AFF3: variants seen among roughly 807,000 people sequenced by gnomAD.
The protein encoded by AFF3 is ALF transcription elongation factor 3.
Under a neutral mutation model 129.7 loss-of-function variants are expected in AFF3, and 32 were observed. The observed-to-expected ratio is 0.25, with a 90% CI of 0.19 to 0.33. The LOEUF (loss-of-function observed/expected upper bound fraction) is 0.33, where lower values mean the gene tolerates loss of function less well. Among genes scored for constraint, AFF3 ranks in the 10% least tolerant of loss-of-function variants. The probability of loss-of-function intolerance (pLI) is 1.00; values close to 1 mark genes in which losing one functional copy is unlikely to be tolerated. For missense variants in AFF3, 1,373 were observed against 1,592.0 expected (o/e 0.86, Z 2.34); for synonymous variants, 644 against 635.4 (o/e 1.01, Z -0.20).
chr2:99,949,795 A>C (rs1675971560), intron 7 of AFF3, among the ~76,000 whole-genome samples: 1 of 152,224 alleles, frequency 6.6e-6, no homozygotes, highest in Non-Finnish European at 1.5e-5. Flanking sequence ...CGGCCCAGTT[A>C]CTAACAGGCC....
intron 8 of AFF3, among the ~76,000 whole-genome samples, chr2:99,826,293 C>A (rs963746333): frequency 6.6e-6 from 1 of 152,170 alleles, no homozygotes; most frequent in Non-Finnish European, 1.5e-5. Flanking sequence ...GGATTACAGG[C>A]GTGAGCCACC....
At chr2:99,558,731 A>C in intron 22 of AFF3, 144 bp downstream of exon 22, 1 of 637,850 alleles carries the variant, frequency 1.6e-6, no homozygotes, top group South Asian at 2.5e-5. Flanking sequence ...TGAAAGCCAC[A>C]AGTGTGGCAT....
intron 14 of AFF3, among the ~76,000 whole-genome samples, chr2:99,598,695 G>A (rs940211215): frequency 5.9e-5 from 9 of 152,184 alleles, no homozygotes; most frequent in East Asian, 1.9e-4. Context: ...TCTGAGCAGC[G>A]GAATGTGAGG....
chr2:100,141,676 G>A (rs2105621605), intron 1 of AFF3, among the ~76,000 whole-genome samples: 1 of 152,176 alleles, frequency 6.6e-6, no homozygotes, highest in East Asian at 1.9e-4. Flanking sequence ...TGTGAGACTC[G>A]AATAGCAAGG....
At chr2:99,868,583 G>A (rs1691620451) in intron 7 of AFF3, among the ~76,000 whole-genome samples, 1 of 152,184 alleles carries the variant, frequency 6.6e-6, no homozygotes, top group South Asian at 2.1e-4. Flanking sequence ...ATGAGGCCTG[G>A]AGGAAGAGGA....
At chr2:99,843,061 T>G (rs1419553023) in intron 7 of AFF3, among the ~76,000 whole-genome samples, 1 of 152,238 alleles carries the variant, frequency 6.6e-6, no homozygotes, top group African/African-American at 2.4e-5. Flanking sequence ...TAAACACTCC[T>G]GCAGAAATAT....
intron 4 of AFF3, among the ~76,000 whole-genome samples, chr2:100,078,881 C>A (rs1401780557): frequency 6.6e-6 from 1 of 151,576 alleles, no homozygotes; most frequent in Non-Finnish European, 1.5e-5. Flanking sequence ...ATGTAAATAG[C>A]TGTTATACTA....
intron 4 of AFF3, among the ~76,000 whole-genome samples, chr2:100,024,090 G>A (rs1026077813): frequency 9.9e-5 from 15 of 151,712 alleles, no homozygotes; most frequent in Non-Finnish European, 1.9e-4. Flanking sequence ...AAATTAGCCG[G>A]GCGTGGTGGC....
intron 17 of AFF3, among the ~76,000 whole-genome samples, chr2:99,580,104 T>C (rs1347881129): frequency 6.6e-6 from 1 of 152,134 alleles, no homozygotes; most frequent in Admixed American, 6.5e-5. Context: ...AGCCATTCTT[T>C]GCCTGTGGCC....
At chr2:100,011,150 T>G (rs1682500922) in intron 4 of AFF3, among the ~76,000 whole-genome samples, 1 of 152,044 alleles carries the variant, frequency 6.6e-6, no homozygotes, top group Admixed American at 6.6e-5. Context: ...GGTGGGCACC[T>G]GTAGTCCCAG....
At chr2:99,680,065 C>A (rs1004175588) in intron 11 of AFF3, among the ~76,000 whole-genome samples, 1 of 152,154 alleles carries the variant, frequency 6.6e-6, no homozygotes, top group East Asian at 1.9e-4. Context: ...GTGCCACACA[C>A]GGTTTGTGTG....
chr2:100,108,974 C>G (rs1343237218), intron 2 of AFF3, among the ~76,000 whole-genome samples: 1 of 132,476 alleles, frequency 7.5e-6, no homozygotes, highest in Non-Finnish European at 1.6e-5. Context: ...GCACCTTCCC[C>G]AAAGTTTCCC....
At chr2:99,788,852 T>C (rs1684995338) in intron 8 of AFF3, among the ~76,000 whole-genome samples, 1 of 152,178 alleles carries the variant, frequency 6.6e-6, no homozygotes. Context: ...TTTTATGCTG[T>C]ATTTTTACTC....
chr2:99,787,696 T>C (rs1470504834), intron 8 of AFF3, among the ~76,000 whole-genome samples: 1 of 152,148 alleles, frequency 6.6e-6, no homozygotes, highest in Non-Finnish European at 1.5e-5. Context: ...CAAATTTGGA[T>C]GAAGACGGTT....
intron 8 of AFF3, among the ~76,000 whole-genome samples, chr2:99,827,659 G>GTA (rs1431436127): frequency 4.0e-5 from 6 of 150,896 alleles, no homozygotes; most frequent in Non-Finnish European, 5.9e-5. Context: ...ATATATATAT[G>GTA]TATATATATA....
chr2:99,822,362 A>G (rs907549092), intron 8 of AFF3, among the ~76,000 whole-genome samples: 10 of 151,374 alleles, frequency 6.6e-5, no homozygotes, highest in Non-Finnish European at 1.2e-4. Context: ...TGGGGTAGGG[A>G]GGTGGAGGCA....
intron 7 of AFF3, among the ~76,000 whole-genome samples, chr2:99,966,497 C>T (rs1008623409): frequency 4.6e-5 from 7 of 150,712 alleles, no homozygotes; most frequent in African/African-American, 9.8e-5. Context: ...GAGACCATCC[C>T]GGCTAAAACG....
At chr2:99,748,820 A>G (rs1681384865) in intron 9 of AFF3, among the ~76,000 whole-genome samples, 1 of 152,210 alleles carries the variant, frequency 6.6e-6, no homozygotes, top group African/African-American at 2.4e-5. Context: ...GAAGGCTACC[A>G]TTATTACTTT....
At chr2:99,672,425 A>T (rs1374043548) in intron 12 of AFF3, 113 bp downstream of exon 12, 2 of 951,200 alleles carry the variant, frequency 2.1e-6, no homozygotes, top group African/African-American at 1.6e-5. Context: ...AGCAGACAAA[A>T]GACCAGCAGC....
Sources: gnomAD v4.1 joint callset for allele counts (sites outside exome capture counted in the v4.1 genomes callset) on GRCh38, gnomAD v4.1.1 for gene constraint, MANE v1.5 for transcripts, NCBI Gene and HGNC (gene_info 2026-07-23, HGNC 2026-07-21) for gene names.